ARHGAP22: variants seen among roughly 807,000 people sequenced by gnomAD.
The protein encoded by ARHGAP22 is Rho GTPase activating protein 22, also known as rho GTPase-activating protein 22.
ARHGAP22 carries 48 observed loss-of-function variants against 59.1 expected under a neutral mutation model. The observed-to-expected ratio is 0.81, with a 90% CI of 0.64 to 1.03. The LOEUF (loss-of-function observed/expected upper bound fraction) is 1.03, where lower values mean the gene tolerates loss of function less well. Ranked by LOEUF, ARHGAP22 falls within the 50% of genes least tolerant of loss-of-function variation. The pLI, the probability that ARHGAP22 is intolerant of heterozygous loss-of-function variation, is 0.00. For missense variants in ARHGAP22, 1,015 were observed against 958.7 expected, an observed-to-expected ratio of 1.06 and a Z score of -0.78; for synonymous variants, 445 against 416.4, an observed-to-expected ratio of 1.07 and a Z score of -0.84.
At chr10:48,595,304 T>C (rs1000995283) in intron 1 of ARHGAP22, among the ~76,000 whole-genome samples, 2 of 152,118 alleles carry the variant, frequency 1.3e-5, no homozygotes, top group South Asian at 2.1e-4. Flanking sequence ...AAAAGATTGA[T>C]TGAGGAGAGA....
At chr10:48,517,681 T>A (rs1285894188) in intron 3 of ARHGAP22, among the ~76,000 whole-genome samples, 9 of 152,096 alleles carry the variant, frequency 5.9e-5, no homozygotes. Context: ...GGCTATGTGC[T>A]GTCGAGCCCC....
At chr10:48,634,116 T>C (rs983171571) in intron 1 of ARHGAP22, among the ~76,000 whole-genome samples, 1 of 152,150 alleles carries the variant, frequency 6.6e-6, no homozygotes, top group Non-Finnish European at 1.5e-5. Context: ...AGTAGTATCA[T>C]GGGTAGCTGA....
intron 3 of ARHGAP22, among the ~76,000 whole-genome samples, chr10:48,492,215 A>G (rs1027437972): frequency 3.3e-5 from 5 of 152,256 alleles, no homozygotes; most frequent in Admixed American, 6.5e-5. Context: ...ATCAAATTAT[A>G]TATCTGACTT....
intron 1 of ARHGAP22, among the ~76,000 whole-genome samples, chr10:48,585,661 A>T (rs2059385097): frequency 6.6e-6 from 1 of 152,114 alleles, no homozygotes; most frequent in South Asian, 2.1e-4. Flanking sequence ...GCTGTGATAG[A>T]TCTATGGGTA....
chr10:48,629,553 A>T (rs1425258212), intron 1 of ARHGAP22, among the ~76,000 whole-genome samples: 1 of 152,026 alleles, frequency 6.6e-6, no homozygotes, highest in Non-Finnish European at 1.5e-5. Context: ...CTATTTCTCT[A>T]TTTGATTCCA....
intron 1 of ARHGAP22, among the ~76,000 whole-genome samples, chr10:48,584,650 G>A (rs925546625): frequency 1.3e-5 from 2 of 152,208 alleles, no homozygotes; most frequent in Non-Finnish European, 2.9e-5. Context: ...TGGATACTTA[G>A]GGTCACCCTT....
At chr10:48,629,511 G>A (rs1442934978) in intron 1 of ARHGAP22, among the ~76,000 whole-genome samples, 1 of 152,178 alleles carries the variant, frequency 6.6e-6, no homozygotes, top group Non-Finnish European at 1.5e-5. Context: ...TCTCATCAAA[G>A]GTCAGTTAGC....
intron 3 of ARHGAP22, chr10:48,524,378 C>A: frequency 6.5e-6 from 1 of 153,292 alleles, no homozygotes; most frequent in South Asian, 2.1e-4. Context: ...CCGGGGCGGC[C>A]CCGCGCTGCT....
chr10:48,521,876 CTG>C, intron 3 of ARHGAP22, among the ~76,000 whole-genome samples: 1 of 152,232 alleles, frequency 6.6e-6, no homozygotes, highest in East Asian at 1.9e-4. Context: ...GCAGGCACAA[CTG>C]TGCCAGTGTG....
chr10:48,568,656 C>A (rs2058204213), intron 2 of ARHGAP22, among the ~76,000 whole-genome samples: 2 of 152,242 alleles, frequency 1.3e-5, no homozygotes, highest in South Asian at 4.1e-4. Context: ...ACTGCTGCAC[C>A]ATTGTGATGC....
chr10:48,606,562 A>AT (rs772059135), upstream of ARHGAP22, among the ~76,000 whole-genome samples: 66 of 152,302 alleles, frequency 4.3e-4, no homozygotes, highest in African/African-American at 1.2e-3. Context: ...CCGATGCTCT[A>AT]TACAACCATA....
rs199826643 is a variant in ARHGAP22, at chr10:48,446,501, G to A, written c.1987C>T (p.Arg663Trp). The A allele has an allele frequency of 2.6e-5, 42 of 1,614,086 alleles. No homozygotes were observed. Among genetic ancestry groups the A allele is most frequent in the South Asian group, 9.9e-5 (9 of 91,074 alleles). ...TGGTTCCTCCTCTCCGCATCCTCCCGCGCCCGTTCAGAGTTCCGCAGCTTT... is the reference window on the plus strand; with the variant it reads ...TGGTTCCTCCTCTCCGCATCCTCCCACGCCCGTTCAGAGTTCCGCAGCTTT... ...EIKLRNSERA[R>W]EDAERRNQLL... The change falls in exon 10 of 10, where the codon CGG becomes TGG. Residue 663 changes from arginine to tryptophan, a missense_variant. By Grantham distance (101) the Arg-to-Trp change is moderately radical (BLOSUM62 -3). Transcript: ENST00000249601.
At chr10:48,518,280 C>A (rs1389215577) in intron 3 of ARHGAP22, among the ~76,000 whole-genome samples, 2 of 152,182 alleles carry the variant, frequency 1.3e-5, no homozygotes, top group African/African-American at 4.8e-5. Context: ...GACATGAGGG[C>A]TGCCACCTCG....
At chr10:48,603,024 G>A (rs1231265194) in intron 1 of ARHGAP22, among the ~76,000 whole-genome samples, 8 of 152,222 alleles carry the variant, frequency 5.3e-5, no homozygotes, top group Non-Finnish European at 8.8e-5. Context: ...GGGAAAGAAC[G>A]ATGTGCAAAA....
Position 48,583,165 on chromosome 10 carries a change from G to T in ARHGAP22, c.35-13C>A. ...CTTTTGGAGCGGGCTGAAAGCCAAGGACACACAGAGTGAGCATGAAGGCAG... is the reference window on the plus strand; with the variant it reads ...CTTTTGGAGCGGGCTGAAAGCCAAGTACACACAGAGTGAGCATGAAGGCAG... On this transcript the variant is annotated splice_polypyrimidine_tract_variant and intron_variant, in intron 1 of 9. Transcript: ENST00000249601. 1 of 1,611,388 alleles carries T rather than the reference G, an allele frequency of 6.2e-7. No homozygotes were observed. Among genetic ancestry groups the T allele is most frequent in the Non-Finnish European group, 8.5e-7 (1 of 1,178,478 alleles).
chr10:48,451,145 C>G lies in ARHGAP22; in HGVS notation c.989-5G>C. 1 of 1,551,384 alleles carries G rather than the reference C, an allele frequency of 6.4e-7. No homozygotes were observed. Among genetic ancestry groups the G allele is most frequent in the Non-Finnish European group, 8.7e-7 (1 of 1,147,352 alleles). ...GGTGCTGGACGAGGGAAGTGCCTGC[C>G]GGGAAGAGAGGCGGAGAAGGGCCTT... On this transcript the variant is annotated splice_polypyrimidine_tract_variant and splice_region_variant and intron_variant, in intron 8 of 9. Coordinates refer to ENST00000249601, the MANE Select transcript of ARHGAP22 (RefSeq NM_021226.4).
At chr10:48,569,051 C>T (rs1242750563) in intron 2 of ARHGAP22, among the ~76,000 whole-genome samples, 1 of 152,162 alleles carries the variant, frequency 6.6e-6, no homozygotes, top group African/African-American at 2.4e-5. Flanking sequence ...CAGGGCCCCT[C>T]CTTGGAGTGG....
intron 2 of ARHGAP22, chr10:48,575,071 G>C (rs913367054): frequency 1.3e-5 from 2 of 152,156 alleles, no homozygotes; most frequent in Admixed American, 6.5e-5. Flanking sequence ...ACGAAATCTG[G>C]TGGTTTAAAA....
Position 48,479,612 on chromosome 10 carries a change from G to A in ARHGAP22, c.451+24C>T, listed in dbSNP as rs371963918. The A allele has an allele frequency of 1.2e-5, 20 of 1,613,750 alleles. No individual in the cohort carries two copies. The African/African-American group carries it at 2.5e-4, about 20-fold the overall frequency. ...CCTGGAGGCAAGGGTTCTAGAGGGT[G>A]GGCATGCGATCTACGGGCAGTACCT... On this transcript the variant is annotated intron_variant, in intron 4 of 9. Coordinates refer to ENST00000249601, the MANE Select transcript of ARHGAP22 (RefSeq NM_021226.4).
Sources: allele counts gnomAD v4.1 joint callset (sites outside exome capture counted in the v4.1 genomes callset), GRCh38; gene constraint gnomAD v4.1.1; transcripts MANE v1.5; gene names NCBI Gene and HGNC (gene_info 2026-07-23, HGNC 2026-07-21).